Variants in ITIH5 observed in about 807,000 individuals in gnomAD.
ITIH5 encodes the protein inter-alpha-trypsin inhibitor heavy chain 5, also known as inter-alpha-trypsin inhibitor heavy chain H5.
Under a neutral mutation model 77.5 loss-of-function variants are expected in ITIH5, and 65 were observed. The observed-to-expected ratio is 0.84, with a 90% CI of 0.69 to 1.03. ITIH5 has a LOEUF of 1.03. ITIH5 is among the 50% of genes least tolerant of loss of function. The pLI is 0.00. For missense variants in ITIH5, 1,208 were observed against 1,213.1 expected, an observed-to-expected ratio of 1.00 and a Z score of 0.06; for synonymous variants, 525 against 494.3, an observed-to-expected ratio of 1.06 and a Z score of -0.82.
intron 7 of ITIH5, among the ~76,000 whole-genome samples, chr10:7,607,786 C>T (rs1833154873): frequency 6.6e-6 from 1 of 152,216 alleles, no homozygotes; most frequent in African/African-American, 2.4e-5. Flanking sequence ...TGCACTCCGG[C>T]CTGTGCAACA....
intron 10 of ITIH5, among the ~76,000 whole-genome samples, chr10:7,574,858 C>A: frequency 6.6e-6 from 1 of 150,424 alleles, no homozygotes; most frequent in South Asian, 2.1e-4. Context: ...ATCTCCTCCT[C>A]TGTCTTTCTG....
chr10:7,605,216 G>A (rs376777314), intron 7 of ITIH5, among the ~76,000 whole-genome samples: 1 of 151,296 alleles, frequency 6.6e-6, no homozygotes. Flanking sequence ...CTGCCTCCAC[G>A]CTTTGCACAT....
chr10:7,635,914 G>A (rs745416421), intron 5 of ITIH5, among the ~76,000 whole-genome samples: 3 of 152,124 alleles, frequency 2.0e-5, no homozygotes, highest in Non-Finnish European at 4.4e-5. Flanking sequence ...CGCAGGCACT[G>A]AATACAGATT....
Position 7,655,656 on chromosome 10 carries a change from C to G in ITIH5, c.110G>C (p.Arg37Thr). Residue 37 changes from arginine (R) to threonine (T), a missense_variant, in exon 2 of 14, where the codon AGG becomes ACG. Physicochemically the swap from Arg to Thr is moderately conservative, Grantham distance 71. Coordinates refer to ENST00000397146, the MANE Select transcript of ITIH5 (RefSeq NM_030569.7). ...SSEQDGLRVP[R>T]QVRLLQRLKT... ...CAGCCTCTGCAACAGTCTGACTTGCCTCGGGACCCTGAGTCCATCCTAGAA... is the reference window on the plus strand; with the variant it reads ...CAGCCTCTGCAACAGTCTGACTTGCGTCGGGACCCTGAGTCCATCCTAGAA... 1 of 1,613,052 alleles carries G rather than the reference C, an allele frequency of 6.2e-7. No individual in the cohort carries two copies. The highest frequency in any genetic ancestry group is 8.5e-7 in the Non-Finnish European group (1 of 1,179,122).
chr10:7,624,305 C>T (rs960399907), intron 5 of ITIH5, among the ~76,000 whole-genome samples: 4 of 150,286 alleles, frequency 2.7e-5, no homozygotes, highest in Admixed American at 1.3e-4. Context: ...GTGGGGAGGT[C>T]GAGACCAGCC....
At chr10:7,648,544 G>A (rs1489783824) in intron 2 of ITIH5, among the ~76,000 whole-genome samples, 1 of 152,138 alleles carries the variant, frequency 6.6e-6, no homozygotes, top group African/African-American at 2.4e-5. Flanking sequence ...TACTAGTGAG[G>A]GGAGAGTATT....
At chr10:7,619,676 A>G in intron 5 of ITIH5, 1 of 258,612 alleles carries the variant, frequency 3.9e-6, no homozygotes, top group Admixed American at 4.0e-5. Flanking sequence ...AGCGAGAGAC[A>G]GAACTGGGAA....
At chr10:7,613,887 G>A (rs1435556287) in intron 7 of ITIH5, among the ~76,000 whole-genome samples, 1 of 152,178 alleles carries the variant, frequency 6.6e-6, no homozygotes, top group Non-Finnish European at 1.5e-5. Flanking sequence ...TGCCATTTGG[G>A]CTGCCCAAAC....
At chr10:7,613,981 T>C (rs1394024879) in intron 7 of ITIH5, among the ~76,000 whole-genome samples, 2 of 152,212 alleles carry the variant, frequency 1.3e-5, no homozygotes, top group African/African-American at 4.8e-5. Flanking sequence ...AAACCTTCTC[T>C]AGAGGAACAG....
At chr10:7,587,947 C>A (rs558908885) in intron 7 of ITIH5, among the ~76,000 whole-genome samples, 64 of 152,332 alleles carry the variant, frequency 4.2e-4, no homozygotes, top group Non-Finnish European at 6.8e-4. Flanking sequence ...TCCTTTCCCT[C>A]TGGAATTTTC....
In ITIH5 at chr10:7,585,530, G is replaced by A. The variant is rs564986854; in HGVS notation, c.1108+371C>T. 3.9e-5 allele frequency among the ~76,000 whole-genome samples: 6 copies of A among 152,216 alleles called. No individual in the cohort carries two copies. The South Asian group carries it at 6.2e-4, about 16-fold the overall frequency. ...TTCCACCTGCCCCTGCCCAAGGTGC[G>A]CACGAAACACTGGCTGGTCCACGTG... On this transcript the variant is annotated intron_variant, in intron 8 of 13. Coordinates refer to ENST00000397146, the MANE Select transcript of ITIH5 (RefSeq NM_030569.7).
intron 2 of ITIH5, among the ~76,000 whole-genome samples, chr10:7,650,254 C>T (rs1834076061): frequency 6.6e-6 from 1 of 152,234 alleles, no homozygotes; most frequent in Admixed American, 6.5e-5. Flanking sequence ...GAAGATTAAC[C>T]TTTCATTATT....
At chr10:7,596,764 G>A (rs995460355) in intron 7 of ITIH5, among the ~76,000 whole-genome samples, 2 of 152,016 alleles carry the variant, frequency 1.3e-5, no homozygotes, top group South Asian at 2.1e-4. Flanking sequence ...AGTAAAGGCC[G>A]GGTGCAGTGG....
intron 9 of ITIH5, chr10:7,578,299 C>A: frequency 6.0e-6 from 1 of 167,572 alleles, no homozygotes. Context: ...CACCTACCTC[C>A]TAGGATTTCT....
At chr10:7,565,966 A>G in intron 13 of ITIH5, 64 bp downstream of exon 13, 1 of 1,547,386 alleles carries the variant, frequency 6.5e-7, no homozygotes, top group Non-Finnish European at 8.7e-7. Flanking sequence ...TGGCAATATC[A>G]GCTTTGCTTG....
intron 12 of ITIH5, 83 bp from the exon 13 acceptor site, chr10:7,566,490 G>T: frequency 1.4e-6 from 2 of 1,380,832 alleles, no homozygotes; most frequent in South Asian, 1.4e-5. Flanking sequence ...GCACTTAGAA[G>T]GCCAGGGCAG....
At chr10:7,563,937 CAA>C (rs1832090223) in intron 13 of ITIH5, among the ~76,000 whole-genome samples, 1 of 152,272 alleles carries the variant, frequency 6.6e-6, no homozygotes, top group African/African-American at 2.4e-5. Flanking sequence ...GCGGCCAGCT[CAA>C]GAGCCAGGAA....
intron 10 of ITIH5, among the ~76,000 whole-genome samples, chr10:7,573,699 AAGAAT>A (rs1319100121): frequency 6.6e-6 from 1 of 151,782 alleles, no homozygotes; most frequent in Non-Finnish European, 1.5e-5. Context: ...AAGGAAAAAA[AAGAAT>A]AGAATAGAAA....
rs538639392 is a variant in ITIH5, at chr10:7,594,027, C to G, written c.940-7958G>C. On this transcript the variant is annotated intron_variant, in intron 7 of 13. Transcript: ENST00000397146. ...AGGGGCTGGAGCTGATCTTTCTGCACATCGTGTTCAGATGCTGAAGACGAA... is the reference window on the plus strand; with the variant it reads ...AGGGGCTGGAGCTGATCTTTCTGCAGATCGTGTTCAGATGCTGAAGACGAA... 2.6e-5 allele frequency among the ~76,000 whole-genome samples: 4 copies of G among 152,360 alleles called. No individual in the cohort carries two copies. The South Asian group carries it at 8.3e-4, about 32-fold the overall frequency.
Sources: gnomAD v4.1 joint callset for allele counts (sites outside exome capture counted in the v4.1 genomes callset) on GRCh38, gnomAD v4.1.1 for gene constraint, MANE v1.5 for transcripts, NCBI Gene and HGNC (gene_info 2026-07-23, HGNC 2026-07-21) for gene names.